Variants in DIP2C observed in about 807,000 individuals in gnomAD.
The protein encoded by DIP2C is DIP2 acetate--CoA ligase C (putative).
A neutral mutation model predicts 192.4 loss-of-function variants in DIP2C; 33 were observed. The ratio of observed to expected loss-of-function variants is 0.17; its 90% CI spans 0.13 to 0.23. The LOEUF (loss-of-function observed/expected upper bound fraction) is 0.23, where lower values mean the gene tolerates loss of function less well. Among genes scored for constraint, DIP2C ranks in the 10% least tolerant of loss-of-function variants. The pLI, the probability that DIP2C is intolerant of heterozygous loss-of-function variation, is 1.00. For synonymous variants in DIP2C, 979 were observed against 864.1 expected, an observed-to-expected ratio of 1.13 and a Z score of -2.33; for missense variants, 1,537 against 2,110.1, an observed-to-expected ratio of 0.73 and a Z score of 5.32.
At chr10:450,984 T>A (rs1220456086) in intron 3 of DIP2C, among the ~76,000 whole-genome samples, 1 of 152,172 alleles carries the variant, frequency 6.6e-6, no homozygotes, top group Non-Finnish European at 1.5e-5. Context: ...ATACTGTCTA[T>A]GCCTCAATAA....
At chr10:451,412 G>A (rs1016584898) in intron 3 of DIP2C, among the ~76,000 whole-genome samples, 1 of 152,090 alleles carries the variant, frequency 6.6e-6, no homozygotes, top group Non-Finnish European at 1.5e-5. Flanking sequence ...GTGGTCTCTC[G>A]CAGTAAAAAC....
chr10:641,651 A>G (rs568538200), intron 1 of DIP2C: 50 of 154,310 alleles, frequency 3.2e-4, no homozygotes, highest in African/African-American at 1.1e-3. Context: ...AAAGCTAAGT[A>G]AAGTCAGATG....
At chr10:279,973 G>T (rs1252826611) in intron 36 of DIP2C, among the ~76,000 whole-genome samples, 1 of 152,180 alleles carries the variant, frequency 6.6e-6, no homozygotes, top group Admixed American at 6.5e-5. Context: ...ATACAAAAAC[G>T]GAAGGCTGTA....
chr10:396,466 T>C (rs1324526920), intron 10 of DIP2C, among the ~76,000 whole-genome samples: 1 of 152,194 alleles, frequency 6.6e-6, no homozygotes, highest in Non-Finnish European at 1.5e-5. Flanking sequence ...AGAATAATTG[T>C]TACGAATAAC....
At chr10:548,911 C>CCAAAAAAAAAAAA (rs1348217783) in intron 1 of DIP2C, among the ~76,000 whole-genome samples, 3 of 26,460 alleles carry the variant, frequency 1.1e-4, no homozygotes, top group African/African-American at 4.0e-4. Context: ...TAGCAGCTCA[C>CCAAAAAAAAAAAA]AAAAAAAAAA....
intron 1 of DIP2C, among the ~76,000 whole-genome samples, chr10:489,126 C>A (rs1275156605): frequency 6.6e-6 from 1 of 152,192 alleles, no homozygotes; most frequent in African/African-American, 2.4e-5. Flanking sequence ...GCCCTGAGAC[C>A]AGGCTCACTC....
intron 2 of DIP2C, among the ~76,000 whole-genome samples, chr10:478,887 TA>T (rs1056033347): frequency 2.0e-5 from 3 of 151,772 alleles, no homozygotes; most frequent in African/African-American, 4.8e-5. Flanking sequence ...CCAGAGAAGA[TA>T]GGGGGAGGAA....
chr10:637,298 G>C (rs1854891568), intron 1 of DIP2C, among the ~76,000 whole-genome samples: 1 of 149,922 alleles, frequency 6.7e-6, no homozygotes, highest in South Asian at 2.1e-4. Context: ...ACACACCATA[G>C]GCTGGGCGGG....
intron 1 of DIP2C, among the ~76,000 whole-genome samples, chr10:598,141 CAA>C (rs1174693347): frequency 5.3e-5 from 8 of 152,212 alleles, no homozygotes; most frequent in Non-Finnish European, 7.3e-5. Context: ...AAGTGCCAGG[CAA>C]AGAGTCGGAG....
chr10:372,123 T>C (rs1961037250), intron 17 of DIP2C, among the ~76,000 whole-genome samples: 1 of 150,822 alleles, frequency 6.6e-6, no homozygotes, highest in Non-Finnish European at 1.5e-5. Context: ...TCACCCAGGC[T>C]GCAGTGCAAT....
chr10:598,134 T>A (rs2131679058), intron 1 of DIP2C, among the ~76,000 whole-genome samples: 1 of 152,186 alleles, frequency 6.6e-6, no homozygotes, highest in Middle Eastern at 3.4e-3. Context: ...ACGAGGAAAG[T>A]GCCAGGCAAA....
At chr10:679,568 C>A (rs1312079350) in intron 1 of DIP2C, among the ~76,000 whole-genome samples, 5 of 83,740 alleles carry the variant, frequency 6.0e-5, no homozygotes, top group Non-Finnish European at 7.7e-5. Flanking sequence ...CCGCACCCAT[C>A]CTCCCCCCAC....
chr10:634,248 C>T (rs1271881617), intron 1 of DIP2C, among the ~76,000 whole-genome samples: 1 of 152,268 alleles, frequency 6.6e-6, no homozygotes, highest in Non-Finnish European at 1.5e-5. Flanking sequence ...GGCACACAGA[C>T]AGGCCTCACC....
intron 8 of DIP2C, among the ~76,000 whole-genome samples, chr10:411,707 T>C (rs934621373): frequency 6.6e-6 from 1 of 151,844 alleles, no homozygotes; most frequent in Non-Finnish European, 1.5e-5. Flanking sequence ...TTACTCAGTA[T>C]TAGAACAATT....
intron 1 of DIP2C, among the ~76,000 whole-genome samples, chr10:517,054 G>A (rs2130800874): frequency 6.6e-6 from 1 of 151,902 alleles, no homozygotes; most frequent in East Asian, 2.0e-4. Context: ...GAGCACAGAG[G>A]TTCAGGTCTA....
In DIP2C at chr10:283,316, T is replaced by C. The variant is rs757875245; in HGVS notation, c.4250A>G (p.Tyr1417Cys). Reference sequence around the variant, plus strand: ...CTCAGTTCTCCGCAGGAACCCCAAGTAGCCTGTGCGTGCCCAGATGGTCTG... The same window carrying C: ...CTCAGTTCTCCGCAGGAACCCCAAGCAGCCTGTGCGTGCCCAGATGGTCTG... Reference protein sequence around the residue: ...DTQTIWARTGYLGFLRRTELT... With the variant: ...DTQTIWARTGCLGFLRRTELT... Residue 1417 changes from tyrosine (Y) to cysteine (C), a missense_variant, in exon 35 of 37, where the codon TAC becomes TGC. Physicochemically the swap from Tyr to Cys is radical, Grantham distance 194 (BLOSUM62 -2). Coordinates refer to ENST00000280886, the MANE Select transcript of DIP2C (RefSeq NM_014974.3). The C allele has an allele frequency of 5.1e-5, 82 of 1,613,940 alleles. No individual in the cohort carries two copies. The highest frequency in any genetic ancestry group is 6.9e-5 in the Non-Finnish European group (81 of 1,179,956).
intron 1 of DIP2C, among the ~76,000 whole-genome samples, chr10:641,183 A>G (rs1477596302): frequency 6.6e-6 from 1 of 151,674 alleles, no homozygotes; most frequent in Admixed American, 6.6e-5. Context: ...ATCTCAAGGC[A>G]ACACCTCGTT....
intron 1 of DIP2C, among the ~76,000 whole-genome samples, chr10:617,514 C>G (rs1171343449): frequency 1.3e-5 from 2 of 152,166 alleles, no homozygotes; most frequent in Admixed American, 1.3e-4. Flanking sequence ...CCCTCTGCCA[C>G]CAGGGCCAAC....
At chr10:662,183 T>A in intron 1 of DIP2C, 1 of 710,438 alleles carries the variant, frequency 1.4e-6, no homozygotes, top group Non-Finnish European at 2.6e-6. Flanking sequence ...ATGCATATTT[T>A]ATCTATACAC....
Sources: allele counts gnomAD v4.1 joint callset (sites outside exome capture counted in the v4.1 genomes callset), GRCh38; gene constraint gnomAD v4.1.1; transcripts MANE v1.5; gene names NCBI Gene and HGNC (gene_info 2026-07-23, HGNC 2026-07-21).